Variants in ATRNL1 observed in about 807,000 individuals in gnomAD.
ATRNL1 encodes the protein attractin-like protein 1.
ATRNL1 carries 95 observed loss-of-function variants against 182.7 expected under a neutral mutation model. The observed-to-expected ratio is 0.52, with a 90% CI of 0.44 to 0.62. ATRNL1 has a LOEUF of 0.62. Ranked by LOEUF, ATRNL1 falls within the 20% of genes least tolerant of loss-of-function variation. The probability of loss-of-function intolerance (pLI) is 0.00; values close to 1 mark genes in which losing one functional copy is unlikely to be tolerated. For synonymous variants in ATRNL1, 576 were observed against 568.3 expected (o/e 1.01, Z -0.19); for missense variants, 1,471 against 1,679.5 (o/e 0.88, Z 2.17).
chr10:115,270,183 A>G (rs1346453828), intron 13 of ATRNL1, among the ~76,000 whole-genome samples: 3 of 149,096 alleles, frequency 2.0e-5, no homozygotes, highest in Admixed American at 6.8e-5. Flanking sequence ...ACAGTTCTTC[A>G]GAGAAACAGA....
At chr10:115,928,256 A>G (rs1953293862) in intron 28 of ATRNL1, among the ~76,000 whole-genome samples, 1 of 152,098 alleles carries the variant, frequency 6.6e-6, no homozygotes, top group Non-Finnish European at 1.5e-5. Flanking sequence ...TGTTCCAAGT[A>G]GCAAATTAAT....
At chr10:115,115,695 T>C (rs1554869725) in intron 1 of ATRNL1, among the ~76,000 whole-genome samples, 1 of 152,138 alleles carries the variant, frequency 6.6e-6, no homozygotes, top group Non-Finnish European at 1.5e-5. Flanking sequence ...CCTTGTAGGC[T>C]GGTTATGCCA....
At chr10:115,184,551 GA>G (rs1345102399) in intron 8 of ATRNL1, among the ~76,000 whole-genome samples, 1 of 151,630 alleles carries the variant, frequency 6.6e-6, no homozygotes, top group Admixed American at 6.6e-5. Flanking sequence ...ACACAGGAAA[GA>G]TAAACCAGAA....
At chr10:115,811,016 T>TCC (rs1950034959) in intron 27 of ATRNL1, among the ~76,000 whole-genome samples, 1 of 151,902 alleles carries the variant, frequency 6.6e-6, no homozygotes, top group African/African-American at 2.4e-5. Flanking sequence ...ATTATTTCCT[T>TCC]CTCTCTCTTT....
chr10:115,652,236 T>A (rs941994523), intron 26 of ATRNL1, among the ~76,000 whole-genome samples: 4 of 101,370 alleles, frequency 3.9e-5, no homozygotes, highest in Non-Finnish European at 1.0e-4. Flanking sequence ...TTGTTGTTAT[T>A]TTTTTTTTCC....
intron 28 of ATRNL1, among the ~76,000 whole-genome samples, chr10:115,856,562 G>T (rs887034443): frequency 6.6e-6 from 1 of 151,812 alleles, no homozygotes; most frequent in African/African-American, 2.4e-5. Context: ...GACGGGTTTC[G>T]TGGAAGACAA....
intron 26 of ATRNL1, among the ~76,000 whole-genome samples, chr10:115,681,650 G>A (rs1946049920): frequency 6.6e-6 from 1 of 152,114 alleles, no homozygotes; most frequent in Non-Finnish European, 1.5e-5. Flanking sequence ...TAACTCAGTA[G>A]TTATCATGTC....
At chr10:115,542,716 A>G (rs1408864515) in intron 25 of ATRNL1, among the ~76,000 whole-genome samples, 3 of 152,152 alleles carry the variant, frequency 2.0e-5, no homozygotes, top group Non-Finnish European at 2.9e-5. Context: ...ACAAAATAAC[A>G]CAGACTAAGT....
chr10:115,760,993 A>G (rs2960719), intron 27 of ATRNL1, among the ~76,000 whole-genome samples: 149,606 of 152,280 alleles, frequency 0.98, 73,537 homozygotes, highest in Middle Eastern at 1. Context: ...GAGGTCTCCT[A>G]AGGAGTAAAG....
intron 25 of ATRNL1, among the ~76,000 whole-genome samples, chr10:115,525,312 A>G (rs868962008): frequency 5.3e-5 from 8 of 152,136 alleles, no homozygotes; most frequent in African/African-American, 1.7e-4. Context: ...AGTTCGTCCA[A>G]TCTTGTTGAT....
At chr10:115,800,936 C>A (rs373259814) in intron 27 of ATRNL1, among the ~76,000 whole-genome samples, 53 of 152,350 alleles carry the variant, frequency 3.5e-4, no homozygotes, top group African/African-American at 1.3e-3. Context: ...GCAGTCAGAG[C>A]AGGTGAAAAC....
chr10:115,673,620 A>G (rs1322125420), intron 26 of ATRNL1, among the ~76,000 whole-genome samples: 1 of 152,108 alleles, frequency 6.6e-6, no homozygotes, highest in East Asian at 1.9e-4. Flanking sequence ...ACTAGATAAT[A>G]TAAAAGTAAA....
At chr10:115,300,598 T>C (rs1421333066) in intron 16 of ATRNL1, among the ~76,000 whole-genome samples, 3 of 152,166 alleles carry the variant, frequency 2.0e-5, no homozygotes, top group African/African-American at 7.2e-5. Flanking sequence ...CCTTTTACTC[T>C]TGTAGACATA....
intron 24 of ATRNL1, 34 bp downstream of exon 24, chr10:115,469,363 T>C: frequency 7.5e-7 from 1 of 1,327,928 alleles, no homozygotes. Context: ...CTAATGACCA[T>C]AATATCATTA....
At chr10:115,298,860 T>C (rs904188556) in intron 15 of ATRNL1, among the ~76,000 whole-genome samples, 3 of 152,088 alleles carry the variant, frequency 2.0e-5, no homozygotes, top group African/African-American at 7.2e-5. Flanking sequence ...CAAGAATTTA[T>C]AAGATATTTA....
In ATRNL1 at chr10:115,776,671, G is replaced by A. The variant is rs116472106; in HGVS notation, c.3903+49316G>A. Reference sequence around the variant, plus strand: ...GAGACCTGTGTGCAAAGGAACCAGTGTCCCTGCTGACAGCCCTTGATGAGC... The same window carrying A: ...GAGACCTGTGTGCAAAGGAACCAGTATCCCTGCTGACAGCCCTTGATGAGC... On this transcript the variant is annotated intron_variant, in intron 27 of 28. Transcript: ENST00000355044. Among the ~76,000 whole-genome samples the A allele has an allele frequency of 4.4e-3, 664 of 152,178 alleles. 6 individuals are homozygous for A. Among genetic ancestry groups the A allele is most frequent in the African/African-American group, 0.015 (621 of 41,458 alleles).
chr10:115,253,979 G>A (rs1851000545), intron 10 of ATRNL1, among the ~76,000 whole-genome samples: 1 of 152,120 alleles, frequency 6.6e-6, no homozygotes, highest in East Asian at 1.9e-4. Context: ...CCTTTTTTAT[G>A]GCTGCATAGT....
At position 115,246,726 on chromosome 10, in the gene ATRNL1, A is replaced by G. The variant is rs1240793546; in HGVS notation, c.1687+5001A>G. 2.5e-5 allele frequency among the ~76,000 whole-genome samples: 3 copies of G among 119,716 alleles called. No homozygotes were observed. The East Asian group carries it at 6.4e-4, about 25-fold the overall frequency. 78.5% of individuals were successfully genotyped at this position (119,716 alleles called of 152,430 possible). A position where few individuals can be genotyped will look rare whatever the true frequency, so the allele number is the denominator to read the frequency against. On this transcript the variant is annotated intron_variant, in intron 10 of 28. Coordinates refer to ENST00000355044, the MANE Select transcript of ATRNL1 (RefSeq NM_207303.4). ...CAGGCGCCCGCCACCGCGCCCGGCT[A>G]ATTTTTTGTATTTTTAGTAGAGACG...
At chr10:115,395,670 A>G (rs1844250825) in intron 20 of ATRNL1, among the ~76,000 whole-genome samples, 1 of 151,382 alleles carries the variant, frequency 6.6e-6, no homozygotes, top group Non-Finnish European at 1.5e-5. Context: ...CTGTTCTTTC[A>G]GTATGCAGGA....
Sources: allele counts gnomAD v4.1 joint callset (sites outside exome capture counted in the v4.1 genomes callset), GRCh38; gene constraint gnomAD v4.1.1; transcripts MANE v1.5; gene names NCBI Gene and HGNC (gene_info 2026-07-23, HGNC 2026-07-21).